Variants in PRKAR1A observed in about 807,000 individuals in gnomAD.
PRKAR1A encodes the protein protein kinase cAMP-dependent type I regulatory subunit alpha.
In PRKAR1A, 3 loss-of-function variants were observed where a neutral mutation model predicts 52.0. The ratio of observed to expected loss-of-function variants is 0.06; its 90% CI spans 0.03 to 0.15. The LOEUF (loss-of-function observed/expected upper bound fraction) is 0.15, where lower values mean the gene tolerates loss of function less well. PRKAR1A is among the 10% of genes least tolerant of loss of function. The pLI is 1.00. For synonymous variants in PRKAR1A, 188 were observed against 168.4 expected (o/e 1.12, Z -0.90); for missense variants, 240 against 477.4 (o/e 0.50, Z 4.63).
intron 8 of PRKAR1A, 46 bp from the exon 9 acceptor site, chr17:68,528,824 C>T (rs768580670): frequency 1.9e-6 from 3 of 1,608,924 alleles, no homozygotes; most frequent in Non-Finnish European, 2.6e-6. Flanking sequence ...ACCTTTATAA[C>T]AGCACCAAAT....
At chr17:68,515,250 G>A (rs1316629511) in intron 1 of PRKAR1A, 144 bp from the exon 2 acceptor site, 2 of 781,086 alleles carry the variant, frequency 2.6e-6, no homozygotes, top group Non-Finnish European at 4.3e-6. Flanking sequence ...TTATTCCCTA[G>A]TCCCCACTTC....
intron 11 of PRKAR1A, chr17:68,542,875 C>A (rs1289687670): frequency 7.9e-7 from 1 of 1,270,990 alleles, no homozygotes; most frequent in Admixed American, 1.7e-5. Context: ...GGGTTTTGTC[C>A]CCCGGCCAGT....
At chr17:68,535,059 A>C (rs1431151738), downstream of PRKAR1A, 2 of 343,622 alleles carry the variant, frequency 5.8e-6, no homozygotes, top group African/African-American at 4.3e-5. Context: ...GCCTCTTTCC[A>C]TCAGTACAGT....
At chr17:68,493,393 AT>A in the PRKAR1A span, among the ~76,000 whole-genome samples, 1 of 152,010 alleles carries the variant, frequency 6.6e-6, no homozygotes, top group Non-Finnish European at 1.5e-5. Flanking sequence ...GCTGTGTAAT[AT>A]TTTTTAAAAG....
At chr17:68,457,996 G>T in the PRKAR1A span, among the ~76,000 whole-genome samples, 1 of 145,724 alleles carries the variant, frequency 6.9e-6, no homozygotes, top group Admixed American at 6.8e-5. Flanking sequence ...TTCCCACCCC[G>T]CCCAGACCCC....
chr17:68,445,642 T>C, the PRKAR1A span, among the ~76,000 whole-genome samples: 1 of 152,222 alleles, frequency 6.6e-6, no homozygotes, highest in Non-Finnish European at 1.5e-5. Flanking sequence ...TCAGAGCCTC[T>C]TCCCAATGGC....
chr17:68,542,511 C>T (rs1436221034), intron 11 of PRKAR1A, among the ~76,000 whole-genome samples: 1 of 152,100 alleles, frequency 6.6e-6, no homozygotes, highest in East Asian at 1.9e-4. Flanking sequence ...CAACCTTTCC[C>T]ATCCAGTTCA....
the PRKAR1A span, among the ~76,000 whole-genome samples, chr17:68,502,606 G>A: frequency 8.6e-5 from 13 of 151,932 alleles, no homozygotes; most frequent in African/African-American, 2.9e-4. Context: ...ACAAAAATTA[G>A]CCAAGGTTGG....
chr17:68,529,865 C>G (rs1441486526), intron 9 of PRKAR1A, 55 bp from the exon 10 acceptor site: 21 of 1,541,020 alleles, frequency 1.4e-5, no homozygotes, highest in Middle Eastern at 3.4e-4. Flanking sequence ...GTTTAAGGTG[C>G]CACCCTGGGT....
intron 2 of PRKAR1A, among the ~76,000 whole-genome samples, 156 bp from the exon 3 acceptor site, chr17:68,522,600 C>T (rs535169084): frequency 1.3e-5 from 2 of 151,784 alleles, no homozygotes; most frequent in Non-Finnish European, 2.9e-5. Context: ...GTGTTACTCT[C>T]TTTTTTTCCC....
downstream of PRKAR1A, chr17:68,535,617 AGGAAATCTTTG>A (rs1283809941): frequency 2.2e-6 from 1 of 453,986 alleles, no homozygotes; most frequent in Admixed American, 2.3e-5. Flanking sequence ...ACAACAGTTA[AGGAAATCTTTG>A]GGATTAAGGT....
chr17:68,471,962 GGC>G, the PRKAR1A span, among the ~76,000 whole-genome samples: 2 of 152,088 alleles, frequency 1.3e-5, no homozygotes, highest in Non-Finnish European at 2.9e-5. Context: ...CACCACGCCT[GGC>G]TAATGTTTTT....
chr17:68,491,132 C>A, the PRKAR1A span, among the ~76,000 whole-genome samples: 1 of 149,564 alleles, frequency 6.7e-6, no homozygotes, highest in African/African-American at 2.5e-5. Context: ...GGCTCTGTCA[C>A]CCAGGCTGGA....
the PRKAR1A span, chr17:68,430,211 G>A: frequency 4.5e-6 from 7 of 1,550,120 alleles, no homozygotes; most frequent in Admixed American, 2.0e-5. Flanking sequence ...GGCCCCACAC[G>A]CACCCAGGAA....
chr17:68,491,642 A>G, the PRKAR1A span, among the ~76,000 whole-genome samples: 5 of 152,184 alleles, frequency 3.3e-5, no homozygotes, highest in African/African-American at 1.2e-4. Context: ...TATGCTTGCA[A>G]AAAGAGCAGA....
At chr17:68,420,609 AT>A in the PRKAR1A span, 1 of 953,348 alleles carries the variant, frequency 1.0e-6, no homozygotes. Context: ...TCCCTTCTGT[AT>A]CCTGTCCCTC....
chr17:68,509,834 A>T (rs895089763), upstream of PRKAR1A, among the ~76,000 whole-genome samples: 11 of 152,126 alleles, frequency 7.2e-5, no homozygotes, highest in African/African-American at 2.7e-4. Context: ...TGGCACCTAG[A>T]ACAAGGTTGA....
intron 11 of PRKAR1A, among the ~76,000 whole-genome samples, chr17:68,548,819 G>A (rs1374220211): frequency 7.6e-6 from 1 of 132,066 alleles, no homozygotes; most frequent in Admixed American, 8.6e-5. Flanking sequence ...TGCAAGCTCC[G>A]CCTCCCGGGT....
At chr17:68,473,879 G>A in the PRKAR1A span, among the ~76,000 whole-genome samples, 1 of 152,120 alleles carries the variant, frequency 6.6e-6, no homozygotes, top group Admixed American at 6.5e-5. Context: ...AACTGGAAAC[G>A]GTGATTTCCA....
Sources: gnomAD v4.1 joint callset for allele counts (sites outside exome capture counted in the v4.1 genomes callset) on GRCh38, gnomAD v4.1.1 for gene constraint, MANE v1.5 for transcripts, NCBI Gene and HGNC (gene_info 2026-07-23, HGNC 2026-07-21) for gene names.